RASA4: variants seen among roughly 807,000 people sequenced by gnomAD.
RASA4 encodes the protein RAS p21 protein activator 4.
A neutral mutation model predicts 24.0 loss-of-function variants in RASA4; 5 were observed. The ratio of observed to expected loss-of-function variants is 0.21; its 90% CI spans 0.11 to 0.44. The LOEUF is 0.44. Ranked by LOEUF, RASA4 falls within the 20% of genes least tolerant of loss-of-function variation. The pLI is 0.99. For missense variants in RASA4, 38 were observed against 293.0 expected (o/e 0.13, Z 6.35); for synonymous variants, 9 against 132.7 (o/e 0.07, Z 6.41).
intron 18 of RASA4, among the ~76,000 whole-genome samples, chr7:102,585,849 G>GT (rs1327458695): frequency 3.7e-5 from 5 of 133,512 alleles, no homozygotes; most frequent in East Asian, 2.3e-4. Flanking sequence ...TTTTTTTTTT[G>GT]TTTTTTTGTT....
intron 1 of RASA4, among the ~76,000 whole-genome samples, chr7:102,611,837 GA>G (rs1790852902): frequency 2.2e-5 from 1 of 46,342 alleles, no homozygotes; most frequent in African/African-American, 6.5e-5. Context: ...GGGGGAAACT[GA>G]GGGAGGGGGT....
At chr7:102,602,961 C>T (rs1419859136) in intron 5 of RASA4, among the ~76,000 whole-genome samples, 5 of 151,234 alleles carry the variant, frequency 3.3e-5, no homozygotes, top group African/African-American at 4.9e-5. Flanking sequence ...ACGGTACCTC[C>T]AGCTTTTTTT....
chr7:102,609,853 G>C (rs1274309225), intron 2 of RASA4, among the ~76,000 whole-genome samples: 1 of 100,028 alleles, frequency 1.0e-5, no homozygotes, highest in African/African-American at 4.8e-5. Flanking sequence ...TTTTCGTAGA[G>C]ACAGGGTTTC....
intron 1 of RASA4, chr7:102,612,231 G>C (rs1188049122): frequency 6.6e-6 from 1 of 150,974 alleles, no homozygotes; most frequent in Non-Finnish European, 1.5e-5. Context: ...ATCCAGCCTG[G>C]TAGTGATCAG....
In RASA4 at chr7:102,601,900, G is replaced by A. The variant is rs1179720068; in HGVS notation, c.510+424C>T. ...CCAGCCACTGCACTCCAGCCTGGGT[G>A]ACAGGGTGGGACTTGGCCTCAAAAA... On this transcript the variant is annotated intron_variant, in intron 6 of 20. Transcript: ENST00000262940. Among the ~76,000 whole-genome samples the A allele has an allele frequency of 6.3e-4, 6 of 9,574 alleles. 2 individuals are homozygous for A. In the Non-Finnish European group the frequency reaches 0.044, roughly 71 times the overall value. The allele number at this position is 9,574 out of a possible 152,430, so 6.3% of individuals were successfully genotyped here.
Position 102,597,925 on chromosome 7 carries a change from A to T in RASA4, c.738-1796T>A, listed in dbSNP as rs535516012. Among the ~76,000 whole-genome samples, 60 of 85,314 alleles carry T rather than the reference A, an allele frequency of 7.0e-4. No homozygotes were observed. The East Asian group carries it at 0.011, about 16-fold the overall frequency. The allele number at this position is 85,314 out of a possible 152,430, so 56.0% of individuals were successfully genotyped here. The stretch of plus-strand genomic sequence containing the variant: ...TGGCCAGGCTGGTCTCGAACTCGTG[A>T]CCTCAAGTGATCCACCCACCTCAAA... On this transcript the variant is annotated intron_variant, in intron 8 of 20. Transcript: ENST00000262940.
chr7:102,613,551 GA>G (rs1790938285), intron 1 of RASA4, among the ~76,000 whole-genome samples: 1 of 142,402 alleles, frequency 7.0e-6, no homozygotes, highest in Non-Finnish European at 1.6e-5. Flanking sequence ...CAGATTTAAG[GA>G]CCTGGGCCCA....
chr7:102,591,960 A>G (rs1383475360), intron 16 of RASA4, among the ~76,000 whole-genome samples: 3 of 152,322 alleles, frequency 2.0e-5, no homozygotes, highest in East Asian at 3.9e-4. Flanking sequence ...CAGCCTCCCG[A>G]GTAGCTGGGA....
chr7:102,603,888 T>G (rs1586850434), intron 5 of RASA4, among the ~76,000 whole-genome samples: 7 of 141,776 alleles, frequency 4.9e-5, no homozygotes, highest in Admixed American at 3.0e-4. Context: ...ACAGCCCGGG[T>G]GCAGTGGCTC....
chr7:102,585,880 T>G (rs1438429668), intron 18 of RASA4, among the ~76,000 whole-genome samples: 1 of 148,492 alleles, frequency 6.7e-6, no homozygotes, highest in Admixed American at 6.7e-5. Context: ...TGAGATGGAG[T>G]CTCGCTCTGT....
At chr7:102,590,739 G>C (rs1405101113) in intron 16 of RASA4, among the ~76,000 whole-genome samples, 1 of 145,666 alleles carries the variant, frequency 6.9e-6, no homozygotes, top group Admixed American at 6.8e-5. Context: ...TTGGGAGTTC[G>C]AGACCAGCCT....
rs1208733709 is a variant in RASA4, at chr7:102,607,936, ATTTTATTTTTTAT to A, written c.298+812_298+824del. ...GTGTGAGCCACTGCACCCGGCCTCT[ATTTTATTTTTTAT>A]TTTTATTTTTTATTCATTTATTTAT... On this transcript the variant is annotated intron_variant, in intron 4 of 20. Transcript: ENST00000262940. Among the ~76,000 whole-genome samples, 86 of 122,548 alleles carry A rather than the reference ATTTTATTTTTTAT, an allele frequency of 7.0e-4. 4 individuals are homozygous for A. Among genetic ancestry groups the A allele is most frequent in the Admixed American group, 1.9e-3 (23 of 12,334 alleles). 80.4% of individuals were successfully genotyped at this position (122,548 alleles called of 152,430 possible).
chr7:102,603,117 C>T lies in RASA4; in HGVS notation c.429-712G>A, dbSNP rs1439755145. ...CTGGGATTACAGGTGCCTGCCACCA[C>T]GCCCAGCTAATTTTCGTATTTTCAG... On this transcript the variant is annotated intron_variant, in intron 5 of 20. Transcript: ENST00000262940. Among the ~76,000 whole-genome samples, 47 of 127,096 alleles carry T rather than the reference C, an allele frequency of 3.7e-4. No individual in the cohort carries two copies. In the East Asian group the frequency reaches 6.0e-3, roughly 16 times the overall value. 83.4% of individuals were successfully genotyped at this position (127,096 alleles called of 152,430 possible). A position where few individuals can be genotyped will look rare whatever the true frequency, so the allele number is the denominator to read the frequency against.
rs1801477009 is a variant in RASA4, at chr7:102,580,299, T to G, written c.*2472A>C. The G allele has an allele frequency of 8.0e-6, 1 of 125,406 alleles. No individual in the cohort carries two copies. Among genetic ancestry groups the G allele is most frequent in the African/African-American group, 2.7e-5 (1 of 36,438 alleles). 7.8% of individuals were successfully genotyped at this position (125,406 alleles called of 1,614,324 possible). A position where few individuals can be genotyped will look rare whatever the true frequency, so the allele number is the denominator to read the frequency against. Reference sequence around the variant, plus strand: ...ATACAATTTGCCATTTTAACCATTTTAAGTGTTTAACTCAGTGGTGTTAAT... The same window carrying G: ...ATACAATTTGCCATTTTAACCATTTGAAGTGTTTAACTCAGTGGTGTTAAT... On this transcript the variant is annotated 3_prime_UTR_variant, in exon 21 of 21. Transcript: ENST00000262940.
chr7:102,610,502 T>C (rs1790792974), intron 2 of RASA4, among the ~76,000 whole-genome samples: 1 of 143,148 alleles, frequency 7.0e-6, no homozygotes, highest in Non-Finnish European at 1.6e-5. Context: ...AGGAAGTGAC[T>C]CTTCAGGGTG....
At chr7:102,587,097 A>AAAC (rs759682675) in intron 18 of RASA4, among the ~76,000 whole-genome samples, 31 of 12,140 alleles carry the variant, frequency 2.6e-3, no homozygotes, top group African/African-American at 6.7e-3. Flanking sequence ...ACTCAGTATC[A>AAAC]AACAACAACA....
At chr7:102,603,252 C>T (rs777664981) in intron 5 of RASA4, among the ~76,000 whole-genome samples, 3,116 of 128,184 alleles carry the variant, frequency 0.024, 4 homozygotes, top group Non-Finnish European at 0.029. Flanking sequence ...TGAGCCACCG[C>T]GCCTGGCCCT....
At chr7:102,602,901 G>A (rs1485441934) in intron 5 of RASA4, among the ~76,000 whole-genome samples, 11 of 148,638 alleles carry the variant, frequency 7.4e-5, no homozygotes, top group Non-Finnish European at 1.5e-4. Context: ...CCTGATGGGC[G>A]GCCCTGCCCT....
At position 102,579,741 on chromosome 7, in the gene RASA4, T is replaced by C. The variant is rs1801443448; in HGVS notation, c.*3030A>G. 4.0e-6 allele frequency: 1 copy of C among 247,166 alleles called. No homozygotes were observed. Among genetic ancestry groups the C allele is most frequent in the Non-Finnish European group, 8.0e-6 (1 of 124,414 alleles). The allele number at this position is 247,166 out of a possible 1,614,324, so 15.3% of individuals were successfully genotyped here. A position where few individuals can be genotyped will look rare whatever the true frequency, so the allele number is the denominator to read the frequency against. On this transcript the variant is annotated 3_prime_UTR_variant, in exon 21 of 21. Transcript: ENST00000262940. ...GCCCCCACATACTCCGCATCTCTTG[T>C]CTGTAATTATCAGCTCGTGGCTACC...
Sources: allele counts gnomAD v4.1 joint callset (sites outside exome capture counted in the v4.1 genomes callset), GRCh38; gene constraint gnomAD v4.1.1; transcripts MANE v1.5; gene names NCBI Gene and HGNC (gene_info 2026-07-23, HGNC 2026-07-21).